EXOC4: variants seen among roughly 807,000 people sequenced by gnomAD.
EXOC4 encodes the protein SEC8-like 1.
Under a neutral mutation model 107.2 loss-of-function variants are expected in EXOC4, and 71 were observed. The observed-to-expected ratio is 0.66, with a 90% CI of 0.55 to 0.81. EXOC4 has a LOEUF of 0.81. Among genes scored for constraint, EXOC4 ranks in the 30% least tolerant of loss-of-function variants. The probability of loss-of-function intolerance (pLI) is 0.00; values close to 1 mark genes in which losing one functional copy is unlikely to be tolerated. For missense variants in EXOC4, 1,108 were observed against 1,189.6 expected, an observed-to-expected ratio of 0.93 and a Z score of 1.01; for synonymous variants, 456 against 441.2, an observed-to-expected ratio of 1.03 and a Z score of -0.42.
chr7:133,385,092 G>A (rs556027288), intron 7 of EXOC4, among the ~76,000 whole-genome samples: 8 of 152,162 alleles, frequency 5.3e-5, no homozygotes, highest in Non-Finnish European at 8.8e-5. Flanking sequence ...TTGTCTCAGG[G>A]TAGTTGGACT....
intron 14 of EXOC4, among the ~76,000 whole-genome samples, chr7:133,942,594 G>T (rs981643253): frequency 6.6e-6 from 1 of 152,060 alleles, no homozygotes; most frequent in East Asian, 1.9e-4. Context: ...AAGGTCTCAG[G>T]GTGGTTATAT....
intron 12 of EXOC4, among the ~76,000 whole-genome samples, chr7:133,916,754 A>G (rs1027564036): frequency 6.6e-6 from 1 of 152,194 alleles, no homozygotes; most frequent in Non-Finnish European, 1.5e-5. Context: ...CCCAGAGGAG[A>G]AGCAGCTAAT....
intron 14 of EXOC4, among the ~76,000 whole-genome samples, chr7:133,949,641 A>G (rs951580700): frequency 1.3e-5 from 2 of 152,234 alleles, no homozygotes; most frequent in Admixed American, 6.5e-5. Flanking sequence ...TAAAAATTCA[A>G]TAACCTTTCA....
chr7:133,821,265 A>G (rs536085913), intron 11 of EXOC4, among the ~76,000 whole-genome samples: 1 of 152,170 alleles, frequency 6.6e-6, no homozygotes, highest in East Asian at 1.9e-4. Flanking sequence ...TCTTTTTATG[A>G]GGAAGAAACT....
Position 133,913,634 on chromosome 7 carries a change from TAGAG to T in EXOC4, c.1872-3935_1872-3932del, listed in dbSNP as rs371724172. Reference sequence around the variant, plus strand: ...ATAGGGAACATTAGATGCTCAGTGGTAGAGAGAGAGAGAGAGAAGTAGTTAGTAA... The same window carrying T: ...ATAGGGAACATTAGATGCTCAGTGGTAGAGAGAGAGAGAAGTAGTTAGTAA... On this transcript the variant is annotated intron_variant, in intron 12 of 17. Coordinates refer to ENST00000253861, the MANE Select transcript of EXOC4 (RefSeq NM_021807.4). Among the ~76,000 whole-genome samples the T allele has an allele frequency of 3.3e-5, 5 of 150,208 alleles. No individual in the cohort carries two copies. The East Asian group carries it at 5.8e-4, about 18-fold the overall frequency.
In EXOC4 at chr7:133,857,164, A is replaced by ACACACG. The variant is rs1798404212; in HGVS notation, c.1735-38435_1735-38434insCACACG. Among the ~76,000 whole-genome samples, 5 of 13,128 alleles carry ACACACG rather than the reference A, an allele frequency of 3.8e-4. 1 individual carries two copies. The highest frequency in any genetic ancestry group is 2.2e-3 in the African/African-American group (5 of 2,276). 8.6% of individuals were successfully genotyped at this position (13,128 alleles called of 152,430 possible). The stretch of plus-strand genomic sequence containing the variant: ...CACATACACGTATATATATATATAT[A>ACACACG]TATATATATATATATATATATATAT... On this transcript the variant is annotated intron_variant, in intron 11 of 17. Coordinates refer to ENST00000253861, the MANE Select transcript of EXOC4 (RefSeq NM_021807.4).
intron 10 of EXOC4, among the ~76,000 whole-genome samples, chr7:133,787,220 G>C (rs1349433115): frequency 7.6e-6 from 1 of 130,926 alleles, no homozygotes; most frequent in Non-Finnish European, 1.5e-5. Context: ...AGGATGGAGT[G>C]CAGTGGCAGG....
chr7:133,581,121 A>C (rs1262499307), intron 9 of EXOC4, among the ~76,000 whole-genome samples: 1 of 152,178 alleles, frequency 6.6e-6, no homozygotes, highest in Non-Finnish European at 1.5e-5. Flanking sequence ...TGCTTTTGAT[A>C]CAGGATCAGA....
intron 2 of EXOC4, among the ~76,000 whole-genome samples, chr7:133,283,301 C>G (rs1335787974): frequency 1.3e-5 from 2 of 152,138 alleles, no homozygotes; most frequent in Non-Finnish European, 2.9e-5. Context: ...TTTCAAACCC[C>G]TGGGCTCAAG....
intron 11 of EXOC4, among the ~76,000 whole-genome samples, chr7:133,858,370 G>C (rs1193514839): frequency 6.6e-6 from 1 of 152,144 alleles, no homozygotes; most frequent in Non-Finnish European, 1.5e-5. Context: ...AATGGAGGAA[G>C]TGTGTGCTGA....
intron 9 of EXOC4, among the ~76,000 whole-genome samples, chr7:133,572,146 A>G (rs990121947): frequency 1.3e-5 from 2 of 152,216 alleles, no homozygotes; most frequent in Admixed American, 6.5e-5. Flanking sequence ...TGAATAAAGA[A>G]TTTAAGTGTC....
chr7:133,942,772 A>G (rs1800462047), intron 14 of EXOC4, among the ~76,000 whole-genome samples: 1 of 152,202 alleles, frequency 6.6e-6, no homozygotes, highest in Non-Finnish European at 1.5e-5. Context: ...TTTAATGCTT[A>G]CAAGCAAGTT....
intron 11 of EXOC4, among the ~76,000 whole-genome samples, chr7:133,866,483 A>C (rs560530832): frequency 6.6e-6 from 1 of 152,350 alleles, no homozygotes; most frequent in African/African-American, 2.4e-5. Flanking sequence ...GAGATAATGT[A>C]GCTAGAGAGG....
intron 7 of EXOC4, among the ~76,000 whole-genome samples, chr7:133,386,800 A>G (rs1399886727): frequency 6.6e-6 from 1 of 151,486 alleles, no homozygotes. Context: ...GGAATTCTGC[A>G]AATGAAAGAC....
chr7:133,383,283 C>G (rs545692678), intron 7 of EXOC4, among the ~76,000 whole-genome samples: 104 of 152,232 alleles, frequency 6.8e-4, no homozygotes, highest in African/African-American at 2.4e-3. Context: ...ATTTTTTTCA[C>G]ATCTCATTTC....
chr7:134,060,289 A>G (rs1360869865), intron 17 of EXOC4, among the ~76,000 whole-genome samples: 1 of 152,224 alleles, frequency 6.6e-6, no homozygotes, highest in Non-Finnish European at 1.5e-5. Context: ...TCCTTCCAGA[A>G]TGTTCCATCC....
chr7:133,722,157 T>A (rs1221275517), intron 10 of EXOC4, among the ~76,000 whole-genome samples: 1 of 152,246 alleles, frequency 6.6e-6, no homozygotes, highest in African/African-American at 2.4e-5. Context: ...GATTTCTTGC[T>A]AAATAGGCTT....
chr7:133,997,699 A>C, intron 15 of EXOC4, 66 bp downstream of exon 15: 1 of 1,532,234 alleles, frequency 6.5e-7, no homozygotes, highest in Non-Finnish European at 8.9e-7. Flanking sequence ...TCACTTGCTT[A>C]TTTCCAGGCA....
chr7:133,886,943 A>G (rs945507352), intron 11 of EXOC4, among the ~76,000 whole-genome samples: 1 of 152,228 alleles, frequency 6.6e-6, no homozygotes, highest in African/African-American at 2.4e-5. Context: ...TTTCTTGAAG[A>G]GAATGTAGTG....
Sources: allele counts gnomAD v4.1 joint callset (sites outside exome capture counted in the v4.1 genomes callset), GRCh38; gene constraint gnomAD v4.1.1; transcripts MANE v1.5; gene names NCBI Gene and HGNC (gene_info 2026-07-23, HGNC 2026-07-21).